The following FAM107B variants were observed in gnomAD, a reference collection of about 807,000 sequenced individuals.
FAM107B encodes protein FAM107B.
A neutral mutation model predicts 31.5 loss-of-function variants in FAM107B; 21 were observed. That is an observed-to-expected ratio of 0.67 (90% CI 0.47 to 0.96). FAM107B has a LOEUF of 0.96. FAM107B is among the 40% of genes least tolerant of loss of function. The probability of loss-of-function intolerance (pLI) is 0.00; values close to 1 mark genes in which losing one functional copy is unlikely to be tolerated. For missense variants in FAM107B, 452 were observed against 377.1 expected, an observed-to-expected ratio of 1.20 and a Z score of -1.64; for synonymous variants, 157 against 141.5, an observed-to-expected ratio of 1.11 and a Z score of -0.78.
At chr10:14,598,324 T>C (rs1852254275) in intron 2 of FAM107B, among the ~76,000 whole-genome samples, 1 of 152,150 alleles carries the variant, frequency 6.6e-6, no homozygotes, top group Admixed American at 6.5e-5. Flanking sequence ...CAAGGACAGA[T>C]GAATGGGTAA....
chr10:14,657,191 T>C (rs1351202416), intron 2 of FAM107B, among the ~76,000 whole-genome samples: 1 of 152,234 alleles, frequency 6.6e-6, no homozygotes, highest in Non-Finnish European at 1.5e-5. Context: ...CAGAAAAATC[T>C]GGAAGCAATT....
At chr10:14,642,266 G>A (rs1170134611) in intron 2 of FAM107B, among the ~76,000 whole-genome samples, 1 of 152,208 alleles carries the variant, frequency 6.6e-6, no homozygotes, top group Non-Finnish European at 1.5e-5. Context: ...CCAGGCAGGG[G>A]CCCTGCCCCT....
At chr10:14,710,603 A>C (rs917914785) in intron 1 of FAM107B, among the ~76,000 whole-genome samples, 9 of 152,184 alleles carry the variant, frequency 5.9e-5, no homozygotes, top group Non-Finnish European at 1.2e-4. Context: ...TAAGAGTATA[A>C]TCAAACTGAA....
chr10:14,584,702 G>C (rs1056026103), intron 2 of FAM107B, among the ~76,000 whole-genome samples: 2 of 152,158 alleles, frequency 1.3e-5, no homozygotes, highest in Non-Finnish European at 2.9e-5. Flanking sequence ...GATTCACACT[G>C]ACTTCCTAGA....
intron 1 of FAM107B, among the ~76,000 whole-genome samples, chr10:14,710,947 C>CCA (rs1855632438): frequency 1.3e-5 from 2 of 151,950 alleles, no homozygotes; most frequent in Admixed American, 1.3e-4. Context: ...GAGTATTGCT[C>CCA]TGTCACCCAG....
intron 1 of FAM107B, among the ~76,000 whole-genome samples, chr10:14,684,464 T>A (rs1190043142): frequency 6.6e-6 from 1 of 151,790 alleles, no homozygotes; most frequent in Admixed American, 6.6e-5. Flanking sequence ...AAAGAATAAA[T>A]ACATAAATAA....
At chr10:14,757,683 C>T (rs1401060201) in intron 1 of FAM107B, among the ~76,000 whole-genome samples, 1 of 152,122 alleles carries the variant, frequency 6.6e-6, no homozygotes, top group East Asian at 1.9e-4. Flanking sequence ...TAGTGAAGCC[C>T]AAGCAGGAAA....
At chr10:14,541,973 G>A (rs971768849) in intron 2 of FAM107B, among the ~76,000 whole-genome samples, 4 of 152,036 alleles carry the variant, frequency 2.6e-5, no homozygotes, top group Non-Finnish European at 5.9e-5. Flanking sequence ...CGTACTGAAT[G>A]GGCCGGGCAC....
intron 2 of FAM107B, among the ~76,000 whole-genome samples, chr10:14,587,242 A>G (rs1205162339): frequency 6.6e-6 from 1 of 152,256 alleles, no homozygotes; most frequent in Non-Finnish European, 1.5e-5. Context: ...CAGTGTCGGA[A>G]CTAATAAATG....
At chr10:14,734,175 A>T (rs1856239427) in intron 1 of FAM107B, among the ~76,000 whole-genome samples, 1 of 152,252 alleles carries the variant, frequency 6.6e-6, no homozygotes, top group Non-Finnish European at 1.5e-5. Context: ...TAACAAGGGT[A>T]ATAAATGTCC....
chr10:14,539,133 A>C (rs968168012), intron 2 of FAM107B, among the ~76,000 whole-genome samples: 1 of 152,268 alleles, frequency 6.6e-6, no homozygotes, highest in African/African-American at 2.4e-5. Flanking sequence ...GAATGACCGT[A>C]TACCGCAAGT....
intron 1 of FAM107B, among the ~76,000 whole-genome samples, chr10:14,732,824 T>C (rs1199724036): frequency 1.4e-5 from 2 of 147,248 alleles, no homozygotes; most frequent in African/African-American, 2.5e-5. Context: ...TGTATTATAA[T>C]ATTATAATTA....
chr10:14,555,034 C>A (rs1250457688), intron 2 of FAM107B, among the ~76,000 whole-genome samples: 1 of 152,190 alleles, frequency 6.6e-6, no homozygotes, highest in Non-Finnish European at 1.5e-5. Flanking sequence ...AGCAGCAGTA[C>A]ACAACACTGC....
chr10:14,718,904 C>G (rs975192415), intron 1 of FAM107B, among the ~76,000 whole-genome samples: 1 of 152,082 alleles, frequency 6.6e-6, no homozygotes, highest in East Asian at 1.9e-4. Flanking sequence ...ATTTTTGACT[C>G]TCAACGACCT....
In FAM107B at chr10:14,521,873, T is replaced by C. The variant is rs753401059; in HGVS notation, c.800A>G (p.Glu267Gly). ...CTTCCAGCCAATCCCCCTTACCTGC[T>C]CCAACTTCTGCTGCCGTTTTAATAG... ...IELLKRQQKL[E>G]QLELEKQKLQ... Residue 267 changes from glutamate (E) to glycine (G), a missense_variant, in exon 4 of 5, where the codon GAG (glutamate) becomes GGG (glycine). By Grantham distance (98) the Glu-to-Gly change is moderately conservative. Transcript: ENST00000181796. 15 of 1,613,762 alleles carry C rather than the reference T, an allele frequency of 9.3e-6. No homozygotes were observed. The highest frequency in any genetic ancestry group is 1.2e-5 in the Non-Finnish European group (14 of 1,179,934).
intron 1 of FAM107B, among the ~76,000 whole-genome samples, chr10:14,762,287 G>C (rs1489246704): frequency 6.6e-6 from 1 of 152,188 alleles, no homozygotes; most frequent in Non-Finnish European, 1.5e-5. Flanking sequence ...AGCAAAGTCA[G>C]TTTTGCCAAC....
In FAM107B at chr10:14,526,414, G is replaced by C. The variant is rs180678802; in HGVS notation, c.653+3918C>G. On this transcript the variant is annotated intron_variant, in intron 3 of 4. Transcript: ENST00000181796. ...TGCTCTCAAACTCCTGACCTCAGGT[G>C]ATCTGCCTGCCTCGGCCTCCCAGAG... 4.6e-5 allele frequency among the ~76,000 whole-genome samples: 7 copies of C among 152,328 alleles called. No homozygotes were observed. The East Asian group carries it at 1.4e-3, about 29-fold the overall frequency.
chr10:14,677,504 C>T (rs1336506869), intron 1 of FAM107B, among the ~76,000 whole-genome samples: 1 of 152,050 alleles, frequency 6.6e-6, no homozygotes, highest in East Asian at 1.9e-4. Context: ...GCCTGTAGTC[C>T]CAGCTACTCG....
intron 1 of FAM107B, among the ~76,000 whole-genome samples, chr10:14,727,485 G>A (rs375414132): frequency 1.3e-5 from 2 of 152,216 alleles, no homozygotes; most frequent in Non-Finnish European, 2.9e-5. Flanking sequence ...CCAAGGAAGA[G>A]GATAGCCTGG....
Sources: allele counts gnomAD v4.1 joint callset (sites outside exome capture counted in the v4.1 genomes callset), GRCh38; gene constraint gnomAD v4.1.1; transcripts MANE v1.5; gene names NCBI Gene and HGNC (gene_info 2026-07-23, HGNC 2026-07-21).